Variants in TRPC7 observed in about 807,000 individuals in gnomAD.
TRPC7 encodes short transient receptor potential channel 7.
TRPC7 carries 42 observed loss-of-function variants against 90.1 expected under a neutral mutation model. The observed-to-expected ratio is 0.47, with a 90% CI of 0.36 to 0.60. The LOEUF (loss-of-function observed/expected upper bound fraction) is 0.60. Among genes scored for constraint, TRPC7 ranks in the 20% least tolerant of loss-of-function variants. The probability of loss-of-function intolerance (pLI) is 0.00; values close to 1 mark genes in which losing one functional copy is unlikely to be tolerated. For missense variants in TRPC7, 955 were observed against 1,112.3 expected (o/e 0.86, Z 2.01); for synonymous variants, 451 against 436.3 (o/e 1.03, Z -0.42).
intron 3 of TRPC7, among the ~76,000 whole-genome samples, chr5:136,282,277 G>C (rs1012531074): frequency 6.6e-6 from 1 of 152,118 alleles, no homozygotes; most frequent in South Asian, 2.1e-4. Context: ...TAAAATATTA[G>C]GTCAGGGCAG....
chr5:136,275,828 C>G (rs1757347832), intron 3 of TRPC7, among the ~76,000 whole-genome samples: 1 of 152,118 alleles, frequency 6.6e-6, no homozygotes, highest in Non-Finnish European at 1.5e-5. Flanking sequence ...AATATGTAAC[C>G]TTGGACAATC....
chr5:136,259,654 T>G (rs1422570119), intron 5 of TRPC7, among the ~76,000 whole-genome samples: 2 of 152,236 alleles, frequency 1.3e-5, no homozygotes, highest in Non-Finnish European at 2.9e-5. Context: ...AGCTTGTTAT[T>G]CTTGCATCTA....
At chr5:136,346,261 A>G (rs1760002796) in intron 2 of TRPC7, among the ~76,000 whole-genome samples, 2 of 152,316 alleles carry the variant, frequency 1.3e-5, no homozygotes, top group East Asian at 3.9e-4. Flanking sequence ...AATTAAAAAA[A>G]TGAACTATTC....
In TRPC7 at chr5:136,350,136, G is replaced by A. The variant is rs189112983; in HGVS notation, c.780+6472C>T. ...TCACACAGTGATGAAATTGCTTAAG[G>A]ATGCATTTCTCAGGACATATCTTCA... is the stretch of plus-strand genomic sequence containing the variant. On this transcript the variant is annotated intron_variant, in intron 2 of 11. Coordinates refer to ENST00000513104, the MANE Select transcript of TRPC7 (RefSeq NM_020389.3). Among the ~76,000 whole-genome samples the A allele has an allele frequency of 2.0e-5, 3 of 152,264 alleles. No individual in the cohort carries two copies. In the East Asian group the frequency reaches 5.8e-4, roughly 29 times the overall value.
intron 3 of TRPC7, among the ~76,000 whole-genome samples, chr5:136,304,091 A>G (rs1051362874): frequency 1.3e-5 from 2 of 151,944 alleles, no homozygotes; most frequent in Non-Finnish European, 2.9e-5. Context: ...CTTTAACTAA[A>G]TTATCTGCTT....
At chr5:136,267,860 TAA>T (rs1244194646) in intron 4 of TRPC7, among the ~76,000 whole-genome samples, 1 of 152,204 alleles carries the variant, frequency 6.6e-6, no homozygotes, top group Non-Finnish European at 1.5e-5. Flanking sequence ...TTCAGAAATA[TAA>T]AGAGATGTTT....
At chr5:136,338,885 A>C (rs1027352831) in intron 2 of TRPC7, among the ~76,000 whole-genome samples, 4 of 152,114 alleles carry the variant, frequency 2.6e-5, no homozygotes, top group African/African-American at 9.7e-5. Flanking sequence ...TAAAAACCAA[A>C]CACGAAAATC....
Position 136,355,034 on chromosome 5 carries a change from G to A in TRPC7, c.780+1574C>T, listed in dbSNP as rs146855087. The stretch of plus-strand genomic sequence containing the variant: ...GGCTGTATAATTGTATGCCATACAG[G>A]GGCAGCTCCCCCAATGACATCTAGT... On this transcript the variant is annotated intron_variant, in intron 2 of 11. Transcript: ENST00000513104. Among the ~76,000 whole-genome samples the A allele has an allele frequency of 8.5e-5, 13 of 152,280 alleles. No homozygotes were observed. The East Asian group carries it at 2.3e-3, about 27-fold the overall frequency.
At chr5:136,224,355 A>G (rs1390143279) in intron 10 of TRPC7, among the ~76,000 whole-genome samples, 1 of 152,218 alleles carries the variant, frequency 6.6e-6, no homozygotes, top group African/African-American at 2.4e-5. Flanking sequence ...AAAGCAATGC[A>G]AGGATTGGAA....
intron 3 of TRPC7, among the ~76,000 whole-genome samples, chr5:136,279,640 G>T (rs984663706): frequency 1.2e-4 from 18 of 152,098 alleles, no homozygotes; most frequent in African/African-American, 3.9e-4. Context: ...TCACAAAGAG[G>T]CCACCCTCCA....
chr5:136,301,506 T>TG (rs1209724652), intron 3 of TRPC7, among the ~76,000 whole-genome samples: 2 of 152,062 alleles, frequency 1.3e-5, no homozygotes, highest in African/African-American at 4.8e-5. Context: ...TCCACCATTG[T>TG]GATTTGTTTC....
In TRPC7 at chr5:136,309,878, C is replaced by T. The variant is rs961833098; in HGVS notation, c.963+5719G>A. Among the ~76,000 whole-genome samples the T allele has an allele frequency of 5.9e-5, 9 of 152,324 alleles. No homozygotes were observed. The East Asian group carries it at 1.7e-3, about 29-fold the overall frequency. On this transcript the variant is annotated intron_variant, in intron 3 of 11. Transcript: ENST00000513104. ...CTGTCCCTTTCACACAAAAAACTTG[C>T]TCCATCTTCACCCCTCCTGTTTCCT... is the stretch of plus-strand genomic sequence containing the variant.
At position 136,274,663 on chromosome 5, in the gene TRPC7, C is replaced by T. The variant is rs1432648106; in HGVS notation, c.1128+10G>A. 2 of 1,599,712 alleles carry T rather than the reference C, an allele frequency of 1.3e-6. No homozygotes were observed. Among genetic ancestry groups the T allele is most frequent in the Admixed American group, 3.5e-5 (2 of 57,018 alleles). On this transcript the variant is annotated intron_variant, in intron 4 of 11. Coordinates refer to ENST00000513104, the MANE Select transcript of TRPC7 (RefSeq NM_020389.3). Reference sequence around the variant, plus strand: ...AACCGCAAACGACATGCACCTTAAGCAGTCTGTACCTTGCTGCACGGAGCA... The same window carrying T: ...AACCGCAAACGACATGCACCTTAAGTAGTCTGTACCTTGCTGCACGGAGCA...
At chr5:136,357,431 C>T (rs2149862231) in intron 1 of TRPC7, 46 bp from the exon 2 acceptor site, 1 of 1,533,186 alleles carries the variant, frequency 6.5e-7, no homozygotes, top group South Asian at 1.2e-5. Context: ...TGCGGATTCC[C>T]TAGCAGTAGA....
At chr5:136,355,206 T>C (rs1294801243) in intron 2 of TRPC7, among the ~76,000 whole-genome samples, 2 of 152,226 alleles carry the variant, frequency 1.3e-5, no homozygotes, top group Non-Finnish European at 2.9e-5. Flanking sequence ...CTATACCTTC[T>C]GCAGTGGGCA....
chr5:136,289,880 G>C (rs371394415), intron 3 of TRPC7, among the ~76,000 whole-genome samples: 3 of 152,348 alleles, frequency 2.0e-5, no homozygotes, highest in East Asian at 3.9e-4. Context: ...AGCCTAACTG[G>C]GAGGCACCCC....
At chr5:136,332,520 G>A (rs1759533425) in intron 2 of TRPC7, among the ~76,000 whole-genome samples, 1 of 152,150 alleles carries the variant, frequency 6.6e-6, no homozygotes, top group African/African-American at 2.4e-5. Context: ...GAGCAATTAG[G>A]AGGCTATTGC....
chr5:136,232,861 C>A (rs534972598), intron 7 of TRPC7, among the ~76,000 whole-genome samples: 2 of 152,052 alleles, frequency 1.3e-5, no homozygotes, highest in African/African-American at 4.8e-5. Context: ...TGTAAGAAAG[C>A]ACTTTTTTTT....
At chr5:136,246,430 C>T (rs1182757690) in intron 7 of TRPC7, among the ~76,000 whole-genome samples, 1 of 152,196 alleles carries the variant, frequency 6.6e-6, no homozygotes, top group East Asian at 1.9e-4. Context: ...TGAGAGACAG[C>T]AGATGGGACT....
Sources: gnomAD v4.1 joint callset for allele counts (sites outside exome capture counted in the v4.1 genomes callset) on GRCh38, gnomAD v4.1.1 for gene constraint, MANE v1.5 for transcripts, NCBI Gene and HGNC (gene_info 2026-07-23, HGNC 2026-07-21) for gene names.